The following LHPP variants were observed in gnomAD, a reference collection of about 807,000 sequenced individuals.
LHPP encodes phospholysine phosphohistidine inorganic pyrophosphate phosphatase, also known as hLHPP.
LHPP carries 24 observed loss-of-function variants against 30.3 expected under a neutral mutation model. That is an observed-to-expected ratio of 0.79 (90% CI 0.57 to 1.11). LHPP has a LOEUF of 1.11. Among genes scored for constraint, LHPP ranks in the 50% most tolerant of loss-of-function variants. The probability of loss-of-function intolerance (pLI) is 0.00; values close to 1 mark genes in which losing one functional copy is unlikely to be tolerated. For missense variants in LHPP, 356 were observed against 367.2 expected, an observed-to-expected ratio of 0.97 and a Z score of 0.25; for synonymous variants, 150 against 157.1, an observed-to-expected ratio of 0.95 and a Z score of 0.34.
rs1402318599 is a variant in LHPP at position 124,496,866 on chromosome 10, A to G, written c.468-95A>G. The stretch of plus-strand genomic sequence containing the variant: ...TCAGCCGCGGCTTGGCTCTGCAGCC[A>G]GCGGGACAGGCCCGGTGCTCAGCTC... On this transcript the variant is annotated intron_variant, in intron 3 of 6. Transcript: ENST00000368842. This position sits in a 1 kb window ranked among gnomAD's most constrained non-coding sequence, Gnocchi z 4.3. 8.9e-6 allele frequency: 10 copies of G among 1,124,144 alleles called. No individual in the cohort carries two copies. Among genetic ancestry groups the G allele is most frequent in the Non-Finnish European group, 1.3e-5 (10 of 766,782 alleles). 69.6% of individuals were successfully genotyped at this position (1,124,144 alleles called of 1,614,324 possible).
chr10:124,514,275 G>T (rs1040914584), intron 5 of LHPP, among the ~76,000 whole-genome samples: 7 of 152,212 alleles, frequency 4.6e-5, no homozygotes, highest in African/African-American at 1.7e-4. Flanking sequence ...CAGAAGGTCA[G>T]CACGTGCCCA....
At chr10:124,464,823 G>C (rs946884612) in intron 1 of LHPP, among the ~76,000 whole-genome samples, 1 of 152,200 alleles carries the variant, frequency 6.6e-6, no homozygotes, top group Non-Finnish European at 1.5e-5. Context: ...TCTACCAGTG[G>C]TTCCACTTCT....
chr10:124,495,175 G>T (rs1953666353), intron 3 of LHPP, among the ~76,000 whole-genome samples: 1 of 152,132 alleles, frequency 6.6e-6, no homozygotes, highest in Non-Finnish European at 1.5e-5. Flanking sequence ...ACTCTAAAAG[G>T]GAGGGCATTT....
chr10:124,584,898 C>A (rs1411035046), intron 6 of LHPP, among the ~76,000 whole-genome samples: 1 of 152,176 alleles, frequency 6.6e-6, no homozygotes, highest in African/African-American at 2.4e-5. Context: ...CCACCCCTGT[C>A]CTCACGCGAT....
chr10:124,551,714 G>T (rs1362226345), intron 6 of LHPP, among the ~76,000 whole-genome samples: 2 of 152,056 alleles, frequency 1.3e-5, no homozygotes, highest in Non-Finnish European at 2.9e-5. Context: ...GGCTTGGCCG[G>T]CCCCCCGGGA....
chr10:124,521,417 CCT>C lies in LHPP; in HGVS notation c.716+4149_716+4150del, dbSNP rs538192951. 6.2e-4 allele frequency among the ~76,000 whole-genome samples: 95 copies of C among 152,392 alleles called. 1 individual carries two copies. In the South Asian group the frequency reaches 0.016, roughly 25 times the overall value. On this transcript the variant is annotated intron_variant, in intron 6 of 6. Transcript: ENST00000368842. ...CCCCCCAGGGGCAGCAGCTGTGTCTCCTCTGCAGCTGAGGCATGTCGTCGCAA... is the reference window on the plus strand; with the variant it reads ...CCCCCCAGGGGCAGCAGCTGTGTCTCCTGCAGCTGAGGCATGTCGTCGCAA...
At chr10:124,549,370 T>C (rs1411767539) in intron 6 of LHPP, among the ~76,000 whole-genome samples, 1 of 151,846 alleles carries the variant, frequency 6.6e-6, no homozygotes, top group Non-Finnish European at 1.5e-5. Flanking sequence ...GAGTTCGAGG[T>C]TGCACCATGA....
intron 6 of LHPP, among the ~76,000 whole-genome samples, chr10:124,604,361 G>C (rs571433409): frequency 2.6e-5 from 4 of 152,310 alleles, no homozygotes; most frequent in African/African-American, 9.6e-5. Context: ...ACCTCACTGG[G>C]CCCCAGCAAG....
chr10:124,531,649 G>A (rs1400036540), intron 6 of LHPP, among the ~76,000 whole-genome samples: 1 of 152,222 alleles, frequency 6.6e-6, no homozygotes, highest in Non-Finnish European at 1.5e-5. Context: ...CCCAAGTTAC[G>A]CGTTTGGGGC....
intron 6 of LHPP, among the ~76,000 whole-genome samples, chr10:124,597,693 G>C (rs1053745841): frequency 1.3e-5 from 2 of 152,236 alleles, no homozygotes; most frequent in South Asian, 4.1e-4. Flanking sequence ...AGGTGGGGTG[G>C]CACTTCTGGG....
At chr10:124,562,824 T>C (rs2133972135) in intron 6 of LHPP, among the ~76,000 whole-genome samples, 1 of 151,496 alleles carries the variant, frequency 6.6e-6, no homozygotes, top group Admixed American at 6.6e-5. Context: ...TCCAGCTACT[T>C]GGGAGGTTGA....
At chr10:124,468,765 GC>G (rs893352594) in intron 1 of LHPP, among the ~76,000 whole-genome samples, 16 of 152,254 alleles carry the variant, frequency 1.1e-4, no homozygotes, top group African/African-American at 3.6e-4. Context: ...GCTTTTAAGG[GC>G]AAGGCCCCTC....
intron 5 of LHPP, among the ~76,000 whole-genome samples, chr10:124,513,503 C>T (rs1421485288): frequency 1.8e-5 from 2 of 111,986 alleles, no homozygotes; most frequent in Non-Finnish European, 3.3e-5. Flanking sequence ...CTCACTCCAT[C>T]GCCCATGCTG....
intron 6 of LHPP, among the ~76,000 whole-genome samples, chr10:124,534,695 GTGCC>G (rs1409178947): frequency 6.6e-6 from 1 of 152,222 alleles, no homozygotes; most frequent in East Asian, 1.9e-4. Context: ...TTCCCGCCCG[GTGCC>G]TGGCAGGTTC....
intron 6 of LHPP, among the ~76,000 whole-genome samples, chr10:124,589,953 A>G (rs1395981215): frequency 6.6e-6 from 1 of 152,150 alleles, no homozygotes; most frequent in Non-Finnish European, 1.5e-5. Flanking sequence ...CAGCCTGCCA[A>G]ATCCAGTTGT....
At chr10:124,553,960 G>C (rs746182003) in intron 6 of LHPP, 1 of 985,268 alleles carries the variant, frequency 1.0e-6, no homozygotes, top group Admixed American at 6.1e-5. Context: ...TTGTCCTTGC[G>C]GCACCATGCT....
intron 1 of LHPP, among the ~76,000 whole-genome samples, chr10:124,477,360 G>C (rs1395133274): frequency 1.3e-5 from 2 of 152,070 alleles, no homozygotes; most frequent in African/African-American, 4.8e-5. Context: ...CTCTGCACTG[G>C]TTCCCATTTC....
At chr10:124,479,767 G>C (rs1364268391) in intron 1 of LHPP, among the ~76,000 whole-genome samples, 1 of 152,228 alleles carries the variant, frequency 6.6e-6, no homozygotes, top group Non-Finnish European at 1.5e-5. Flanking sequence ...CCTGTCTCCA[G>C]ATGCAGTCAC....
At chr10:124,482,346 TGTCTGCA>T (rs1318442809) in intron 1 of LHPP, among the ~76,000 whole-genome samples, 1 of 152,242 alleles carries the variant, frequency 6.6e-6, no homozygotes, top group Non-Finnish European at 1.5e-5. Flanking sequence ...AGAGCCAAGA[TGTCTGCA>T]TCTTTGGAGA....
Sources: gnomAD v4.1 joint callset for allele counts (sites outside exome capture counted in the v4.1 genomes callset) on GRCh38, gnomAD v4.1.1 for gene constraint, Gnocchi (gnomAD v3.1) non-coding constraint, MANE v1.5 for transcripts, NCBI Gene and HGNC (gene_info 2026-07-23, HGNC 2026-07-21) for gene names.